The following PRR14L variants were observed in gnomAD, a reference collection of about 807,000 sequenced individuals.
PRR14L encodes the protein protein PRR14L.
PRR14L carries 80 observed loss-of-function variants against 155.0 expected under a neutral mutation model. The observed-to-expected ratio is 0.52, with a 90% CI of 0.43 to 0.62. The LOEUF is 0.62. Ranked by LOEUF, PRR14L falls within the 20% of genes least tolerant of loss-of-function variation. The pLI is 0.00. For missense variants in PRR14L, 2,469 were observed against 2,548.0 expected, an observed-to-expected ratio of 0.97 and a Z score of 0.67; for synonymous variants, 883 against 916.0, an observed-to-expected ratio of 0.96 and a Z score of 0.65.
intron 7 of PRR14L, among the ~76,000 whole-genome samples, chr22:31,691,614 T>G (rs1182000099): frequency 6.6e-6 from 1 of 152,184 alleles, no homozygotes; most frequent in Non-Finnish European, 1.5e-5. Flanking sequence ...CTAAACTACT[T>G]TCTGTCTCTA....
rs947987864 is a variant in PRR14L at position 31,682,266 on chromosome 22, G to T, written c.*3261C>A. 1 of 152,172 alleles carries T rather than the reference G, an allele frequency of 6.6e-6. No individual in the cohort carries two copies. Among genetic ancestry groups the T allele is most frequent in the Admixed American group, 6.5e-5 (1 of 15,268 alleles). The allele number at this position is 152,172 out of a possible 1,614,324, so 9.4% of individuals were successfully genotyped here. A position where few individuals can be genotyped will look rare whatever the true frequency, so the allele number is the denominator to read the frequency against. On this transcript the variant is annotated 3_prime_UTR_variant, in exon 9 of 9. Transcript: ENST00000327423. ...GGACCTCAGGTTGGCTCTGGAGCCC[G>T]TGCCAAAGACCCTTTCAGGCAAAAT...
At position 31,684,773 on chromosome 22, in the gene PRR14L, C is replaced by T. The variant is rs1348565652; in HGVS notation, c.*754G>A. 2 of 152,116 alleles carry T rather than the reference C, an allele frequency of 1.3e-5. No individual in the cohort carries two copies. The highest frequency in any genetic ancestry group is 2.4e-5 in the African/African-American group (1 of 41,408). The allele number at this position is 152,116 out of a possible 1,614,324, so 9.4% of individuals were successfully genotyped here. A position where few individuals can be genotyped will look rare whatever the true frequency, so the allele number is the denominator to read the frequency against. On this transcript the variant is annotated 3_prime_UTR_variant, in exon 9 of 9. Transcript: ENST00000327423. ...TCCTTAAAAAAATGTTTTAAAATCA[C>T]ATTTAAAGGCTCCACACATGCAGCA... is the stretch of plus-strand genomic sequence containing the variant.
intron 1 of PRR14L, 142 bp from the exon 2 acceptor site, chr22:31,739,053 A>T (rs1231884241): frequency 3.7e-6 from 2 of 539,838 alleles, no homozygotes; most frequent in Admixed American, 6.6e-5. Context: ...ATTTCTCCTT[A>T]ATGAATTTGT....
At chr22:31,740,079 T>C (rs561573678) in intron 1 of PRR14L, among the ~76,000 whole-genome samples, 3 of 152,096 alleles carry the variant, frequency 2.0e-5, no homozygotes, top group Non-Finnish European at 2.9e-5. Flanking sequence ...ATTTTTTTTT[T>C]AGACAGGATC....
chr22:31,729,721 A>G (rs1188719421), intron 2 of PRR14L, among the ~76,000 whole-genome samples: 1 of 152,204 alleles, frequency 6.6e-6, no homozygotes, highest in Admixed American at 6.5e-5. Flanking sequence ...TCATAGAGAC[A>G]GAAAGTAGAA....
rs771720531 is a variant in PRR14L at position 31,714,369 on chromosome 22, T to G, written c.3470A>C (p.Glu1157Ala). 2.6e-5 allele frequency: 41 copies of G among 1,551,610 alleles called. No homozygotes were observed. The highest frequency in any genetic ancestry group is 3.4e-5 in the Non-Finnish European group (39 of 1,147,000). Residue 1157 changes from glutamate to alanine, a missense_variant, in exon 4 of 9, where the codon GAG (glutamate) becomes GCG (alanine). Glu to Ala is a moderately radical substitution (Grantham distance 107). Coordinates refer to ENST00000327423, the MANE Select transcript of PRR14L (RefSeq NM_173566.3). Reference sequence around the variant, plus strand: ...ATTTGGTTCATGATCTGCAACAGACTCCATCTCATGGGCACAAGAGTCTGG... The same window carrying G: ...ATTTGGTTCATGATCTGCAACAGACGCCATCTCATGGGCACAAGAGTCTGG... The part of the protein sequence containing the change: ...KCPDSCAHEM[E>A]SVADHEPNKR...
intron 2 of PRR14L, among the ~76,000 whole-genome samples, chr22:31,735,796 C>T (rs2074776988): frequency 6.6e-6 from 1 of 151,872 alleles, no homozygotes. Context: ...ACCCTGTAAT[C>T]CCAGCACTTT....
chr22:31,706,136 A>G (rs1601499093), intron 4 of PRR14L, among the ~76,000 whole-genome samples: 1 of 127,218 alleles, frequency 7.9e-6, no homozygotes, highest in Non-Finnish European at 1.7e-5. Flanking sequence ...ATTCAAGACC[A>G]GCCTGGCCAA....
intron 3 of PRR14L, among the ~76,000 whole-genome samples, chr22:31,722,522 C>A (rs2074696273): frequency 6.7e-6 from 1 of 149,158 alleles, no homozygotes; most frequent in Non-Finnish European, 1.5e-5. Flanking sequence ...AGGCATCATT[C>A]AGTTTTTTTT....
At position 31,685,724 on chromosome 22, in the gene PRR14L, C is replaced by A; in HGVS notation, c.6259G>T (p.Val2087Phe). ...ISISQQKRKR[V>F]LEFQDFTVPR... Reference sequence around the variant, plus strand: ...ACTGTAAAATCCTGAAATTCTAGAACTCGCTTCCTCTTCTGTTGGCTGATT... The same window carrying A: ...ACTGTAAAATCCTGAAATTCTAGAAATCGCTTCCTCTTCTGTTGGCTGATT... Residue 2087 changes from valine to phenylalanine, a missense_variant, in exon 9 of 9, where the codon GTT becomes TTT. Val to Phe is a conservative substitution (Grantham distance 50, BLOSUM62 -1). Transcript: ENST00000327423. 1 of 1,551,686 alleles carries A rather than the reference C, an allele frequency of 6.4e-7. No homozygotes were observed. Among genetic ancestry groups the A allele is most frequent in the Non-Finnish European group, 8.7e-7 (1 of 1,146,968 alleles).
chr22:31,693,855 T>C (rs1446571136), intron 7 of PRR14L, among the ~76,000 whole-genome samples: 23 of 152,250 alleles, frequency 1.5e-4, no homozygotes, highest in South Asian at 2.1e-4. Context: ...TAAAGTTTTA[T>C]TTTGATTATT....
Position 31,714,869 on chromosome 22 carries a change from C to G in PRR14L, c.2970G>C (p.Lys990Asn), listed in dbSNP as rs775484255. 6.4e-7 allele frequency: 1 copy of G among 1,551,988 alleles called. No individual in the cohort carries two copies. Among genetic ancestry groups the G allele is most frequent in the South Asian group, 1.2e-5 (1 of 84,066 alleles). Residue 990 changes from lysine (K) to asparagine (N), a missense_variant, in exon 4 of 9, where the codon AAG becomes AAC. By Grantham distance (94) the Lys-to-Asn change is moderately conservative. Around this residue, in one of 2 missense-constraint regions of PRR14L, gnomAD observed 2,363 missense variants for 2,371.6 expected, o/e 1.00. Transcript: ENST00000327423. ...CTCTCTGGTCACTACTTAGCATCTC[C>G]TTGGCTGACTGACCTTCACTTTTGC... ...DECKSEGQSA[K>N]EMLSSDQRET...
intron 8 of PRR14L, among the ~76,000 whole-genome samples, chr22:31,687,696 T>C (rs772761896): frequency 3.3e-5 from 5 of 151,730 alleles, no homozygotes; most frequent in Admixed American, 1.3e-4. Context: ...CCTATCCTAT[T>C]ACTGACCCTA....
chr22:31,715,603 T>G lies in PRR14L; in HGVS notation c.2236A>C (p.Met746Leu), dbSNP rs1189389821. ...KPVSLERKKE[M>L]ADSGTKALHS... The stretch of plus-strand genomic sequence containing the variant: ...AGAGCTTTTGTTCCTGAATCAGCCA[T>G]TTCCTTTTTTCTCTCTAGGCTTACT... Residue 746 changes from methionine (M) to leucine (L), a missense_variant, in exon 4 of 9, where the codon ATG becomes CTG. Around this residue, in one of 2 missense-constraint regions of PRR14L, gnomAD observed 2,363 missense variants for 2,371.6 expected, o/e 1.00. Coordinates refer to ENST00000327423, the MANE Select transcript of PRR14L (RefSeq NM_173566.3). The G allele has an allele frequency of 6.4e-7, 1 of 1,551,944 alleles. No homozygotes were observed. Among genetic ancestry groups the G allele is most frequent in the Non-Finnish European group, 8.7e-7 (1 of 1,147,078 alleles).
intron 6 of PRR14L, among the ~76,000 whole-genome samples, chr22:31,702,665 GCCA>G (rs2147857611): frequency 6.6e-6 from 1 of 152,150 alleles, no homozygotes; most frequent in South Asian, 2.1e-4. Flanking sequence ...ACAGGAATGT[GCCA>G]CCACATTTGG....
chr22:31,688,904 A>C (rs1423681903), intron 7 of PRR14L, among the ~76,000 whole-genome samples: 5 of 140,880 alleles, frequency 3.5e-5, no homozygotes, highest in Non-Finnish European at 8.1e-5. Context: ...ATATACATAC[A>C]CACACACACA....
In PRR14L at chr22:31,688,177, T is replaced by C; in HGVS notation, c.6158A>G (p.Tyr2053Cys). ...SLEEIYTNKNYKSPPANRCLE... is the reference protein window; with the variant it reads ...SLEEIYTNKNCKSPPANRCLE... ...CTACCTGTTTGCAGGAGGAGATTTA[T>C]AATTCTTGTTGGTATATATCTCTTC... The change falls in exon 8 of 9, where the codon TAT (tyrosine) becomes TGT (cysteine). Residue 2053 changes from tyrosine (Y) to cysteine (C), a missense_variant. By Grantham distance (194) the Tyr-to-Cys change is radical. This residue lies in a region of PRR14L where 106 missense variants were observed against 176.4 expected (regional missense o/e 0.60). Transcript: ENST00000327423. 1 of 1,605,360 alleles carries C rather than the reference T, an allele frequency of 6.2e-7. No homozygotes were observed. Among genetic ancestry groups the C allele is most frequent in the South Asian group, 1.1e-5 (1 of 88,658 alleles).
chr22:31,728,944 C>T (rs896320588), intron 2 of PRR14L, among the ~76,000 whole-genome samples: 1 of 152,194 alleles, frequency 6.6e-6, no homozygotes, highest in African/African-American at 2.4e-5. Context: ...GCTAAATCAT[C>T]CATGTGGGAT....
chr22:31,699,393 T>A (rs575500326), intron 7 of PRR14L, among the ~76,000 whole-genome samples: 1 of 152,314 alleles, frequency 6.6e-6, no homozygotes, highest in South Asian at 2.1e-4. Context: ...AGAACATCCA[T>A]AACTGAAAAT....
Sources: gnomAD v4.1 joint callset for allele counts (sites outside exome capture counted in the v4.1 genomes callset) on GRCh38, gnomAD v4.1.1 for gene constraint, gnomAD v4.1.1 regional missense constraint, MANE v1.5 for transcripts, NCBI Gene and HGNC (gene_info 2026-07-23, HGNC 2026-07-21) for gene names.